Variants in SCLT1 observed in about 807,000 individuals in gnomAD.
SCLT1 encodes sodium channel and clathrin linker 1, also known as sodium channel-associated protein 1.
Under a neutral mutation model 112.8 loss-of-function variants are expected in SCLT1, and 78 were observed. That is an observed-to-expected ratio of 0.69 (90% CI 0.58 to 0.83). SCLT1 has a LOEUF of 0.83. Among genes scored for constraint, SCLT1 ranks in the 40% least tolerant of loss-of-function variants. The pLI is 0.00. For missense variants in SCLT1, 747 were observed against 770.4 expected (o/e 0.97, Z 0.36); for synonymous variants, 257 against 254.7 (o/e 1.01, Z -0.09).
chr4:128,972,585 CAG>C (rs1175509952), intron 9 of SCLT1, among the ~76,000 whole-genome samples: 1 of 152,166 alleles, frequency 6.6e-6, no homozygotes, highest in Non-Finnish European at 1.5e-5. Flanking sequence ...TGTCCAAAAA[CAG>C]AGGTGGATTA....
intron 5 of SCLT1, among the ~76,000 whole-genome samples, chr4:129,015,160 G>T (rs908324369): frequency 5.3e-5 from 8 of 152,116 alleles, no homozygotes; most frequent in African/African-American, 1.9e-4. Flanking sequence ...GAGGGGAGTG[G>T]ACTACACTCC....
At chr4:129,024,892 C>T (rs1366335454) in intron 5 of SCLT1, among the ~76,000 whole-genome samples, 9 of 151,870 alleles carry the variant, frequency 5.9e-5, no homozygotes, top group African/African-American at 9.7e-5. Context: ...TCGAGAACTA[C>T]GTGAAGAATG....
At chr4:129,082,510 A>C in intron 1 of SCLT1, 137 bp from the exon 2 acceptor site, 1 of 463,894 alleles carries the variant, frequency 2.2e-6, no homozygotes, top group Non-Finnish European at 3.8e-6. Context: ...ATGAATCATC[A>C]GTTTCAATAC....
At chr4:129,066,546 T>TA (rs1443608658) in intron 2 of SCLT1, among the ~76,000 whole-genome samples, 12 of 151,922 alleles carry the variant, frequency 7.9e-5, no homozygotes, top group East Asian at 5.8e-4. Context: ...GTAGACATAC[T>TA]AAAAAAAATC....
intron 2 of SCLT1, among the ~76,000 whole-genome samples, chr4:129,079,484 C>T (rs1402187889): frequency 6.6e-6 from 1 of 152,174 alleles, no homozygotes; most frequent in Non-Finnish European, 1.5e-5. Context: ...CCTTAGGGGC[C>T]CAAAATAATC....
chr4:129,006,926 C>T (rs1398961766), intron 5 of SCLT1, among the ~76,000 whole-genome samples: 1 of 152,216 alleles, frequency 6.6e-6, no homozygotes, highest in Non-Finnish European at 1.5e-5. Context: ...GCCTTAGTGG[C>T]AACGCCGACG....
intron 8 of SCLT1, among the ~76,000 whole-genome samples, chr4:128,993,176 G>T (rs1327211141): frequency 1.3e-5 from 2 of 151,878 alleles, no homozygotes; most frequent in African/African-American, 2.4e-5. Flanking sequence ...ACCATGTGTG[G>T]TTTACTCATT....
chr4:128,977,109 C>T (rs1293020566), intron 9 of SCLT1, among the ~76,000 whole-genome samples: 1 of 152,132 alleles, frequency 6.6e-6, no homozygotes, highest in Non-Finnish European at 1.5e-5. Context: ...GAGGAAAAGT[C>T]TAAACCAGAG....
chr4:128,999,641 T>C (rs1436223497), intron 7 of SCLT1, 31 bp downstream of exon 7: 1 of 1,571,404 alleles, frequency 6.4e-7, no homozygotes, highest in Non-Finnish European at 8.7e-7. Flanking sequence ...TTCTTATTGA[T>C]ATACAAGAAA....
intron 11 of SCLT1, among the ~76,000 whole-genome samples, chr4:128,961,930 ATT>A (rs1470521846): frequency 6.6e-6 from 1 of 152,166 alleles, no homozygotes; most frequent in East Asian, 1.9e-4. Context: ...AAATAGTTTT[ATT>A]TGTTGGCTAT....
intron 19 of SCLT1, among the ~76,000 whole-genome samples, chr4:128,889,482 A>C (rs1733144919): frequency 1.3e-5 from 2 of 152,182 alleles, no homozygotes; most frequent in Non-Finnish European, 2.9e-5. Context: ...ATTCTCCCTC[A>C]CAGCTCTCAG....
chr4:128,922,464 G>A (rs1466462445), intron 18 of SCLT1, among the ~76,000 whole-genome samples: 1 of 152,056 alleles, frequency 6.6e-6, no homozygotes, highest in Non-Finnish European at 1.5e-5. Context: ...GGAATACAAA[G>A]CAGCCATAAA....
chr4:129,017,845 A>G (rs548859407), intron 5 of SCLT1, among the ~76,000 whole-genome samples: 3 of 152,382 alleles, frequency 2.0e-5, no homozygotes, highest in African/African-American at 7.2e-5. Context: ...CTTTTCTGCT[A>G]TCACTATCAA....
intron 2 of SCLT1, among the ~76,000 whole-genome samples, chr4:129,064,924 T>A (rs1257488896): frequency 6.6e-6 from 1 of 152,158 alleles, no homozygotes; most frequent in East Asian, 1.9e-4. Flanking sequence ...AACTGCTCCA[T>A]ATGCACTGTA....
intron 2 of SCLT1, among the ~76,000 whole-genome samples, chr4:129,073,007 A>T (rs1751157617): frequency 6.6e-6 from 1 of 151,992 alleles, no homozygotes; most frequent in Non-Finnish European, 1.5e-5. Context: ...CCTTGATGTA[A>T]CACTCTGCCC....
intron 11 of SCLT1, among the ~76,000 whole-genome samples, chr4:128,960,339 C>T (rs1739580932): frequency 6.6e-6 from 1 of 152,042 alleles, no homozygotes; most frequent in Non-Finnish European, 1.5e-5. Flanking sequence ...ATGACAGGAG[C>T]TTTTTAAACT....
At chr4:128,878,092 C>T (rs148008084) in intron 3 of SCLT1, among the ~76,000 whole-genome samples, 58 of 152,224 alleles carry the variant, frequency 3.8e-4, no homozygotes, top group African/African-American at 1.3e-3. Flanking sequence ...ATGTTGAGAA[C>T]TAATATCTTA....
At chr4:128,994,707 T>A (rs1742861935) in intron 8 of SCLT1, among the ~76,000 whole-genome samples, 1 of 152,164 alleles carries the variant, frequency 6.6e-6, no homozygotes, top group Admixed American at 6.6e-5. Flanking sequence ...ATAATCCCTC[T>A]GACACGTGTG....
chr4:128,910,154 A>G (rs1262591998), intron 18 of SCLT1, among the ~76,000 whole-genome samples: 2 of 152,218 alleles, frequency 1.3e-5, no homozygotes, highest in African/African-American at 4.8e-5. Context: ...AAGGATCTGT[A>G]CAGTTTAAAT....
Sources: gnomAD v4.1 joint callset for allele counts (sites outside exome capture counted in the v4.1 genomes callset) on GRCh38, gnomAD v4.1.1 for gene constraint, MANE v1.5 for transcripts, NCBI Gene and HGNC (gene_info 2026-07-23, HGNC 2026-07-21) for gene names.